TOP2A: variants seen among roughly 807,000 people sequenced by gnomAD.
The protein encoded by TOP2A is DNA topoisomerase II alpha.
In TOP2A, 68 loss-of-function variants were observed where a neutral mutation model predicts 187.2. The ratio of observed to expected loss-of-function variants is 0.36; its 90% CI spans 0.30 to 0.44. The LOEUF (loss-of-function observed/expected upper bound fraction) is 0.44, where lower values mean the gene tolerates loss of function less well. Ranked by LOEUF, TOP2A falls within the 20% of genes least tolerant of loss-of-function variation. The probability of loss-of-function intolerance (pLI) is 1.00; values close to 1 mark genes in which losing one functional copy is unlikely to be tolerated. For synonymous variants in TOP2A, 542 were observed against 593.2 expected (o/e 0.91, Z 1.25); for missense variants, 1,196 against 1,808.7 (o/e 0.66, Z 6.14).
intron 33 of TOP2A, among the ~76,000 whole-genome samples, chr17:40,390,441 C>T (rs566476615): frequency 2.6e-4 from 39 of 151,636 alleles, no homozygotes; most frequent in Non-Finnish European, 3.8e-4. Flanking sequence ...CCACTCGCCT[C>T]GGCCTCCCAA....
Position 40,411,062 on chromosome 17 carries a change from A to C in TOP2A, c.1203+47T>G. The C allele has an allele frequency of 6.5e-7, 1 of 1,528,268 alleles. No homozygotes were observed. 94.7% of individuals were successfully genotyped at this position (1,528,268 alleles called of 1,614,324 possible). A position where few individuals can be genotyped will look rare whatever the true frequency, so the allele number is the denominator to read the frequency against. ...TCTGCAGAGCTAAGAAGTGCAATGG[A>C]AAATAAAGTCAGGTGTTTCTATTTT... On this transcript the variant is annotated intron_variant, in intron 10 of 34. Coordinates refer to ENST00000423485, the MANE Select transcript of TOP2A (RefSeq NM_001067.4). The surrounding 1 kb of genome is among the most constrained non-coding windows in gnomAD (Gnocchi z 4.4).
At position 40,413,625 on chromosome 17, in the gene TOP2A, C is replaced by T. The variant is rs2035352064; in HGVS notation, c.333G>A (p.Pro111=). The change falls in exon 5 of 35, where the codon CCG becomes CCA. Residue 111 remains proline, a splice_region_variant and synonymous_variant. Coordinates refer to ENST00000423485, the MANE Select transcript of TOP2A (RefSeq NM_001067.4). ...TCCATATACTAATTAAATTGTTTTC[C>T]CTAAGAAAAAAAGATTGAAAATTGT... The part of the protein sequence containing the change: ...KMSCIRVTID[P]ENNLISIWNN... 1.5e-6 allele frequency: 2 copies of T among 1,306,134 alleles called. No homozygotes were observed. The highest frequency in any genetic ancestry group is 1.9e-4 in the Middle Eastern group (1 of 5,168). 80.9% of individuals were successfully genotyped at this position (1,306,134 alleles called of 1,614,324 possible). A position where few individuals can be genotyped will look rare whatever the true frequency, so the allele number is the denominator to read the frequency against.
At chr17:40,416,174 G>A (rs2035388052) in intron 3 of TOP2A, 106 bp from the exon 4 acceptor site, 2 of 928,646 alleles carry the variant, frequency 2.2e-6, no homozygotes, top group Non-Finnish European at 3.3e-6. Context: ...GCACAGGAGT[G>A]GCATTAACAA....
Position 40,404,525 on chromosome 17 carries a change from G to A in TOP2A, c.2047-34C>T, listed in dbSNP as rs369747649. On this transcript the variant is annotated intron_variant, in intron 17 of 34. Transcript: ENST00000423485. ...CCAAATAGTATTACATGAGTCTACCGGTCTAAACAATGCTCAACACAAAAA... is the reference window on the plus strand; with the variant it reads ...CCAAATAGTATTACATGAGTCTACCAGTCTAAACAATGCTCAACACAAAAA... 1.8e-4 allele frequency: 226 copies of A among 1,253,586 alleles called. 2 individuals carry two copies. The highest frequency in any genetic ancestry group is 4.2e-4 in the Middle Eastern group (2 of 4,706). 77.7% of individuals were successfully genotyped at this position (1,253,586 alleles called of 1,614,324 possible).
Position 40,389,170 on chromosome 17 carries a change from C to G in TOP2A, c.*349G>C, listed in dbSNP as rs1271637180. 1.3e-5 allele frequency: 3 copies of G among 236,660 alleles called. No individual in the cohort carries two copies. The highest frequency in any genetic ancestry group is 2.5e-5 in the Non-Finnish European group (3 of 119,596). The allele number at this position is 236,660 out of a possible 1,614,324, so 14.7% of individuals were successfully genotyped here. Reference sequence around the variant, plus strand: ...AGTGACACTTTTAAATCAAACTGCTCTAGTTTTAGCTTAGTGGATGGTTAA... The same window carrying G: ...AGTGACACTTTTAAATCAAACTGCTGTAGTTTTAGCTTAGTGGATGGTTAA... On this transcript the variant is annotated 3_prime_UTR_variant, in exon 35 of 35. Transcript: ENST00000423485.
At chr17:40,413,858 C>T (rs1012708146) in intron 4 of TOP2A, among the ~76,000 whole-genome samples, 1 of 152,048 alleles carries the variant, frequency 6.6e-6, no homozygotes, top group African/African-American at 2.4e-5. Flanking sequence ...ATTAGCCAGG[C>T]ATGGTAGCGC....
intron 19 of TOP2A, 47 bp from the exon 20 acceptor site, chr17:40,403,101 A>G: frequency 1.3e-6 from 2 of 1,529,986 alleles, no homozygotes; most frequent in Non-Finnish European, 1.8e-6. Flanking sequence ...TACTAATACA[A>G]ATACATTATG....
chr17:40,389,950 A>G lies in TOP2A; in HGVS notation c.4467+15T>C, dbSNP rs773607321. On this transcript the variant is annotated intron_variant, in intron 34 of 34. Coordinates refer to ENST00000423485, the MANE Select transcript of TOP2A (RefSeq NM_001067.4). ...AACATCTACAGCAAAAGGACTGACTAGGATCAACACTCACCTTGCTTGTGA... is the reference window on the plus strand; with the variant it reads ...AACATCTACAGCAAAAGGACTGACTGGGATCAACACTCACCTTGCTTGTGA... 29 of 1,608,166 alleles carry G rather than the reference A, an allele frequency of 1.8e-5. No individual in the cohort carries two copies. The highest frequency in any genetic ancestry group is 2.3e-5 in the Non-Finnish European group (27 of 1,177,108).
At chr17:40,391,811 A>G in intron 32 of TOP2A, 171 bp from the exon 33 acceptor site, 1 of 893,140 alleles carries the variant, frequency 1.1e-6, no homozygotes, top group Non-Finnish European at 1.6e-6. Context: ...TTTTATCAGC[A>G]AGAACAGTTT....
chr17:40,400,873 C>T lies in TOP2A; in HGVS notation c.2641G>A (p.Asp881Asn), dbSNP rs1368038096. The T allele has an allele frequency of 6.2e-7, 1 of 1,613,994 alleles. No individual in the cohort carries two copies. Among genetic ancestry groups the T allele is most frequent in the South Asian group, 1.1e-5 (1 of 91,086 alleles). The change falls in exon 21 of 35, where the codon GAT becomes AAT. Residue 881 changes from aspartate to asparagine, a missense_variant. Around this residue, in one of 10 missense-constraint regions of TOP2A, gnomAD observed 232 missense variants for 306.1 expected, o/e 0.76. Transcript: ENST00000423485. ...ACCATTGGCAAAGGTTCTTCTCCAT[C>T]CATCAAACGCCTGATGTTATTTACA... Reference protein sequence around the residue: ...EIVNNIRRLMDGEEPLPMLPS... With the variant: ...EIVNNIRRLMNGEEPLPMLPS...
At chr17:40,392,461 T>C (rs2035037045) in intron 30 of TOP2A, 120 bp from the exon 31 acceptor site, 1 of 1,475,472 alleles carries the variant, frequency 6.8e-7, no homozygotes, top group Non-Finnish European at 9.2e-7. Context: ...GCTTCAGTGT[T>C]TCAAAGCTTT....
rs1305040351 is a variant in TOP2A, at chr17:40,408,040, A to G, written c.1427T>C (p.Val476Ala). 1.2e-6 allele frequency: 2 copies of G among 1,613,644 alleles called. No homozygotes were observed. The highest frequency in any genetic ancestry group is 1.3e-5 in the African/African-American group (1 of 75,010). ...GAAAACCCCATATTTGTCTCTCCCA[A>G]CCACACCAAGGCCTGAAACAGCCAA... is the stretch of plus-strand genomic sequence containing the variant. ...KTLAVSGLGVVGRDKYGVFPL... is the reference protein window; with the variant it reads ...KTLAVSGLGVAGRDKYGVFPL... Residue 476 changes from valine (V) to alanine (A), a missense_variant, in exon 12 of 35, where the codon GTT becomes GCT. Around this residue, in one of 10 missense-constraint regions of TOP2A, gnomAD observed 252 missense variants for 434.8 expected, o/e 0.58. Coordinates refer to ENST00000423485, the MANE Select transcript of TOP2A (RefSeq NM_001067.4).
intron 24 of TOP2A, 23 bp downstream of exon 24, chr17:40,399,849 C>T (rs2143645588): frequency 6.4e-7 from 1 of 1,558,462 alleles, no homozygotes. Flanking sequence ...TTTTAGTAAG[C>T]AGTTATTATT....
At chr17:40,408,451 C>T (rs745819363) in intron 11 of TOP2A, 41 bp downstream of exon 11, 1 of 1,567,716 alleles carries the variant, frequency 6.4e-7, no homozygotes, top group South Asian at 1.2e-5. Flanking sequence ...AAAATAACAA[C>T]TATAAGACTT....
rs373552609 is a variant in TOP2A at position 40,400,831 on chromosome 17, A to G, written c.2664+19T>C. ...ACCCAAGGAAAAGTTAAGGCTCTTA[A>G]CACACACAGAATACTTACCATTGGC... On this transcript the variant is annotated intron_variant, in intron 21 of 34. Transcript: ENST00000423485. 1 of 1,611,490 alleles carries G rather than the reference A, an allele frequency of 6.2e-7. No individual in the cohort carries two copies. Among genetic ancestry groups the G allele is most frequent in the Non-Finnish European group, 8.5e-7 (1 of 1,177,876 alleles).
chr17:40,400,836 C>A lies in TOP2A; in HGVS notation c.2664+14G>T, dbSNP rs778973745. 7 of 1,612,660 alleles carry A rather than the reference C, an allele frequency of 4.3e-6. No individual in the cohort carries two copies. The African/African-American group carries it at 5.3e-5, about 12-fold the overall frequency. On this transcript the variant is annotated intron_variant, in intron 21 of 34. Coordinates refer to ENST00000423485, the MANE Select transcript of TOP2A (RefSeq NM_001067.4). ...AGGAAAAGTTAAGGCTCTTAACACA[C>A]ACAGAATACTTACCATTGGCAAAGG...
At chr17:40,405,398 G>A (rs2035227949) in intron 16 of TOP2A, among the ~76,000 whole-genome samples, 1 of 151,090 alleles carries the variant, frequency 6.6e-6, no homozygotes, top group African/African-American at 2.4e-5. Context: ...TGATCCACCC[G>A]CCTCGGCCTC....
intron 29 of TOP2A, among the ~76,000 whole-genome samples, chr17:40,394,480 G>A (rs1598608597): frequency 6.6e-6 from 1 of 151,956 alleles, no homozygotes; most frequent in East Asian, 1.9e-4. Flanking sequence ...CTACAGGCAC[G>A]CACCACCACA....
At position 40,407,539 on chromosome 17, in the gene TOP2A, C is replaced by T; in HGVS notation, c.1626+10G>A. On this transcript the variant is annotated intron_variant, in intron 13 of 34. Coordinates refer to ENST00000423485, the MANE Select transcript of TOP2A (RefSeq NM_001067.4). The stretch of plus-strand genomic sequence containing the variant: ...GTTGAACAATCTAAAAATTTAATAA[C>T]AAATCTGACCTGATCTGTCATAATC... 6.5e-7 allele frequency: 1 copy of T among 1,537,672 alleles called. No homozygotes were observed. The highest frequency in any genetic ancestry group is 1.3e-5 in the South Asian group (1 of 78,996).
Sources: allele counts gnomAD v4.1 joint callset (sites outside exome capture counted in the v4.1 genomes callset), GRCh38; gene constraint gnomAD v4.1.1; regional missense constraint gnomAD v4.1.1; non-coding constraint Gnocchi (gnomAD v3.1); transcripts MANE v1.5; gene names NCBI Gene and HGNC (gene_info 2026-07-23, HGNC 2026-07-21).